KCNIP4: variants seen among roughly 807,000 people sequenced by gnomAD.
The protein encoded by KCNIP4 is Kv channel-interacting protein 4.
A neutral mutation model predicts 34.0 loss-of-function variants in KCNIP4; 12 were observed. The observed-to-expected ratio is 0.35, with a 90% CI of 0.23 to 0.57. The LOEUF (loss-of-function observed/expected upper bound fraction) is 0.57. KCNIP4 is among the 20% of genes least tolerant of loss of function. The pLI, the probability that KCNIP4 is intolerant of heterozygous loss-of-function variation, is 0.83. For synonymous variants in KCNIP4, 124 were observed against 102.2 expected, an observed-to-expected ratio of 1.21 and a Z score of -1.29; for missense variants, 238 against 311.7, an observed-to-expected ratio of 0.76 and a Z score of 1.78.
intron 1 of KCNIP4, among the ~76,000 whole-genome samples, chr4:21,509,433 T>C (rs1298999282): frequency 6.6e-6 from 1 of 152,206 alleles, no homozygotes; most frequent in Non-Finnish European, 1.5e-5. Flanking sequence ...CCATTTCTAC[T>C]TAATTCCTTT....
At chr4:20,829,486 C>T (rs2322771) in intron 3 of KCNIP4, among the ~76,000 whole-genome samples, 28,680 of 152,066 alleles carry the variant, frequency 0.19, 2,890 homozygotes, top group South Asian at 0.39. Flanking sequence ...GGATTACAGG[C>T]GTGAGCCACC....
At chr4:21,727,849 A>G (rs1378208617) in intron 1 of KCNIP4, among the ~76,000 whole-genome samples, 2 of 152,108 alleles carry the variant, frequency 1.3e-5, no homozygotes, top group East Asian at 1.9e-4. Flanking sequence ...AATAAGAATA[A>G]TAAGAATAAA....
At chr4:21,223,459 T>C (rs1170045041) in intron 1 of KCNIP4, among the ~76,000 whole-genome samples, 5 of 152,196 alleles carry the variant, frequency 3.3e-5, no homozygotes, top group African/African-American at 1.2e-4. Context: ...CCAGCAGCAA[T>C]AGGAAATTAA....
At chr4:21,859,857 T>C (rs1460289152) in intron 1 of KCNIP4, among the ~76,000 whole-genome samples, 1 of 151,838 alleles carries the variant, frequency 6.6e-6, no homozygotes, top group Non-Finnish European at 1.5e-5. Context: ...GTGAGACTTA[T>C]CTCTACAAAT....
chr4:21,184,794 G>A (rs921552422), intron 1 of KCNIP4, among the ~76,000 whole-genome samples: 3 of 152,160 alleles, frequency 2.0e-5, no homozygotes, highest in Non-Finnish European at 2.9e-5. Context: ...GATTCTTGGT[G>A]TTGTCAATAT....
At position 21,558,329 on chromosome 4, in the gene KCNIP4, T is replaced by C. The variant is rs555269993; in HGVS notation, c.61+390242A>G. ...CAACATGGTGAAACCCTGTCTCTAC[T>C]AAAAATACAAAAATCAGCCAGGTGT... On this transcript the variant is annotated intron_variant, in intron 1 of 8. Transcript: ENST00000382152. 3.9e-5 allele frequency among the ~76,000 whole-genome samples: 6 copies of C among 152,016 alleles called. No individual in the cohort carries two copies. In the South Asian group the frequency reaches 1.2e-3, roughly 32 times the overall value.
chr4:20,943,980 T>C (rs1258819801), intron 1 of KCNIP4, among the ~76,000 whole-genome samples: 1 of 152,142 alleles, frequency 6.6e-6, no homozygotes, highest in Non-Finnish European at 1.5e-5. Flanking sequence ...AGGGAATGGG[T>C]TAGCTAGGTT....
intron 1 of KCNIP4, among the ~76,000 whole-genome samples, chr4:21,269,450 G>T (rs1434056654): frequency 6.6e-6 from 1 of 152,038 alleles, no homozygotes; most frequent in Non-Finnish European, 1.5e-5. Context: ...CCAATGTCCA[G>T]GTTGGAGTGC....
chr4:21,346,238 A>T (rs28393766), intron 1 of KCNIP4, among the ~76,000 whole-genome samples: 1 of 114,598 alleles, frequency 8.7e-6, no homozygotes, highest in Non-Finnish European at 1.7e-5. Flanking sequence ...TATATATATA[A>T]TATATATTAT....
chr4:21,439,299 G>A (rs952248982), intron 1 of KCNIP4, among the ~76,000 whole-genome samples: 5 of 151,960 alleles, frequency 3.3e-5, no homozygotes, highest in East Asian at 1.9e-4. Flanking sequence ...TATGAATATC[G>A]CCATTAAATA....
At chr4:20,802,185 CTATATATATGCTATATATATAT>C (rs1184572370) in intron 3 of KCNIP4, among the ~76,000 whole-genome samples, 4 of 86,808 alleles carry the variant, frequency 4.6e-5, no homozygotes, top group African/African-American at 1.5e-4. Context: ...TATATATATG[CTATATATATGCTATATATATAT>C]GCTACATATA....
chr4:21,467,788 C>T (rs1730121280), intron 1 of KCNIP4, among the ~76,000 whole-genome samples: 1 of 152,186 alleles, frequency 6.6e-6, no homozygotes, highest in Non-Finnish European at 1.5e-5. Flanking sequence ...ATTTCTGAGA[C>T]TCTCTCCCAC....
Position 21,553,490 on chromosome 4 carries a change from C to T in KCNIP4, c.61+395081G>A, listed in dbSNP as rs1258271008. On this transcript the variant is annotated intron_variant, in intron 1 of 8. Transcript: ENST00000382152. ...AAGAAGCATGGAGACTGAGATGGGC[C>T]TCACCTGTCTGGAAGCCTTTTAAGA... Among the ~76,000 whole-genome samples the T allele has an allele frequency of 2.0e-5, 3 of 152,100 alleles. No homozygotes were observed. The East Asian group carries it at 5.8e-4, about 29-fold the overall frequency.
chr4:21,046,386 C>A (rs957476292), intron 1 of KCNIP4, among the ~76,000 whole-genome samples: 2 of 152,136 alleles, frequency 1.3e-5, no homozygotes, highest in Non-Finnish European at 2.9e-5. Flanking sequence ...AATATACATC[C>A]TTTTCTCCGC....
chr4:21,723,090 G>A (rs1240195118), intron 1 of KCNIP4, among the ~76,000 whole-genome samples: 1 of 151,984 alleles, frequency 6.6e-6, no homozygotes, highest in Non-Finnish European at 1.5e-5. Context: ...AAGATCTAAT[G>A]GGTCTATGAA....
intron 1 of KCNIP4, among the ~76,000 whole-genome samples, chr4:21,628,822 C>T (rs780509657): frequency 5.9e-5 from 9 of 152,164 alleles, no homozygotes; most frequent in Non-Finnish European, 1.0e-4. Flanking sequence ...GAACTTAATA[C>T]CATAATAAAT....
chr4:21,038,686 A>G (rs1357155345), intron 1 of KCNIP4, among the ~76,000 whole-genome samples: 9 of 152,260 alleles, frequency 5.9e-5, no homozygotes, highest in Non-Finnish European at 1.2e-4. Context: ...AGGATAAGTT[A>G]TAAATATTGG....
intron 1 of KCNIP4, among the ~76,000 whole-genome samples, chr4:21,590,164 GGAGT>G (rs1742078973): frequency 6.6e-6 from 1 of 151,936 alleles, no homozygotes; most frequent in African/African-American, 2.4e-5. Flanking sequence ...AACTAGAGGA[GGAGT>G]GAATAGCTAG....
At chr4:21,278,721 G>A (rs965252089) in intron 1 of KCNIP4, among the ~76,000 whole-genome samples, 6 of 151,924 alleles carry the variant, frequency 3.9e-5, no homozygotes, top group African/African-American at 1.4e-4. Flanking sequence ...GGCAACAAGA[G>A]GAAAGTGTTA....
Sources: allele counts gnomAD v4.1 joint callset (sites outside exome capture counted in the v4.1 genomes callset), GRCh38; gene constraint gnomAD v4.1.1; transcripts MANE v1.5; gene names NCBI Gene and HGNC (gene_info 2026-07-23, HGNC 2026-07-21).